The following RANBP2 variants were observed in gnomAD, a reference collection of about 807,000 sequenced individuals.
The protein encoded by RANBP2 is E3 SUMO-protein ligase RanBP2.
In RANBP2, 57 loss-of-function variants were observed where a neutral mutation model predicts 303.6. The observed-to-expected ratio is 0.19, with a 90% confidence interval of 0.15 to 0.23. RANBP2 has a LOEUF of 0.23. Ranked by LOEUF, RANBP2 falls within the 10% of genes least tolerant of loss-of-function variation. The pLI, the probability that RANBP2 is intolerant of heterozygous loss-of-function variation, is 1.00. For missense variants in RANBP2, 3,138 were observed against 3,780.8 expected (o/e 0.83, Z 4.46); for synonymous variants, 1,167 against 1,301.5 (o/e 0.90, Z 2.23).
chr2:108,977,226 C>T, the RANBP2 span, among the ~76,000 whole-genome samples: 1 of 152,122 alleles, frequency 6.6e-6, no homozygotes, highest in African/African-American at 2.4e-5. Flanking sequence ...CTGCCTTTGC[C>T]GCCGGGAGAT....
the RANBP2 span, among the ~76,000 whole-genome samples, chr2:109,699,275 C>G: frequency 6.6e-6 from 1 of 152,172 alleles, no homozygotes; most frequent in Non-Finnish European, 1.5e-5. Context: ...TTCTTTAGTA[C>G]TCTGCTCTGT....
chr2:109,535,605 C>A, the RANBP2 span, among the ~76,000 whole-genome samples: 1 of 152,192 alleles, frequency 6.6e-6, no homozygotes, highest in African/African-American at 2.4e-5. Context: ...GGGGCTGTCT[C>A]CACAGGTGTG....
At chr2:109,089,037 A>C in the RANBP2 span, among the ~76,000 whole-genome samples, 429 of 152,228 alleles carry the variant, frequency 2.8e-3, 1 homozygote, top group African/African-American at 9.5e-3. Context: ...TAGGGAGCAA[A>C]CTCGAGTTCT....
At chr2:109,715,541 G>A in the RANBP2 span, among the ~76,000 whole-genome samples, 8 of 152,140 alleles carry the variant, frequency 5.3e-5, no homozygotes, top group Non-Finnish European at 7.4e-5. Flanking sequence ...GAAAGGGCAT[G>A]GAGCTTCCCT....
At chr2:108,786,141 GT>G (rs1236056852), downstream of RANBP2, among the ~76,000 whole-genome samples, 1 of 146,184 alleles carries the variant, frequency 6.8e-6, no homozygotes, top group Non-Finnish European at 1.5e-5. Flanking sequence ...AAAAAAAAAA[GT>G]TTTTTTTCCA....
chr2:109,288,495 C>G, the RANBP2 span, among the ~76,000 whole-genome samples: 1 of 152,162 alleles, frequency 6.6e-6, no homozygotes, highest in Non-Finnish European at 1.5e-5. Flanking sequence ...ATTATTTCCT[C>G]CCAAAATAGA....
the RANBP2 span, among the ~76,000 whole-genome samples, chr2:109,170,276 T>C: frequency 1.1e-4 from 14 of 125,796 alleles, no homozygotes; most frequent in East Asian, 7.3e-4. Context: ...TCTCTTCTCT[T>C]CTCTTCTCTT....
chr2:109,684,824 G>A, the RANBP2 span, among the ~76,000 whole-genome samples: 4 of 149,698 alleles, frequency 2.7e-5, no homozygotes, highest in East Asian at 8.1e-4. Context: ...CAGAGCCACT[G>A]TGCCCAGCTG....
the RANBP2 span, among the ~76,000 whole-genome samples, chr2:108,971,329 G>A: frequency 1.3e-5 from 2 of 152,010 alleles, no homozygotes; most frequent in African/African-American, 4.8e-5. Context: ...CCAGGAGCTC[G>A]TTAGAAATGC....
the RANBP2 span, among the ~76,000 whole-genome samples, chr2:109,380,967 G>A: frequency 2.6e-5 from 4 of 152,238 alleles, no homozygotes; most frequent in Non-Finnish European, 4.4e-5. Context: ...AGCAGGAGTC[G>A]TTGCTGATTG....
At chr2:109,286,954 G>A in the RANBP2 span, among the ~76,000 whole-genome samples, 1 of 152,216 alleles carries the variant, frequency 6.6e-6, no homozygotes, top group African/African-American at 2.4e-5. Flanking sequence ...CTGCCCAGGT[G>A]GTTCCGCCAT....
chr2:109,339,196 G>A, the RANBP2 span, among the ~76,000 whole-genome samples: 2 of 151,056 alleles, frequency 1.3e-5, no homozygotes, highest in Non-Finnish European at 2.9e-5. Flanking sequence ...AGGCACACTC[G>A]GTATAACTTT....
At chr2:109,564,064 A>T in the RANBP2 span, among the ~76,000 whole-genome samples, 1 of 152,260 alleles carries the variant, frequency 6.6e-6, no homozygotes, top group Non-Finnish European at 1.5e-5. Context: ...GAAATCAAAT[A>T]ATGAGGGTAT....
intron 4 of RANBP2, among the ~76,000 whole-genome samples, chr2:108,733,044 G>A (rs1277642232): frequency 6.6e-6 from 1 of 152,020 alleles, no homozygotes; most frequent in Non-Finnish European, 1.5e-5. Flanking sequence ...GGCTGGTCTC[G>A]AACTCCTGAC....
At chr2:108,742,494 C>T (rs1480726683) in intron 7 of RANBP2, among the ~76,000 whole-genome samples, 11 of 151,616 alleles carry the variant, frequency 7.3e-5, no homozygotes, top group East Asian at 2.0e-4. Context: ...TTAATAGAGA[C>T]GGGGTTTCAC....
chr2:109,232,478 C>T, the RANBP2 span, among the ~76,000 whole-genome samples: 3 of 152,164 alleles, frequency 2.0e-5, no homozygotes, highest in Non-Finnish European at 2.9e-5. Flanking sequence ...ACACCTGTCC[C>T]GTAGGGTGCT....
At chr2:109,174,330 T>C in the RANBP2 span, among the ~76,000 whole-genome samples, 1 of 152,384 alleles carries the variant, frequency 6.6e-6, no homozygotes, top group Admixed American at 6.5e-5. Context: ...GTGGGGATGC[T>C]TCCTGTGTAC....
chr2:109,682,864 G>C, the RANBP2 span, among the ~76,000 whole-genome samples: 3 of 152,124 alleles, frequency 2.0e-5, no homozygotes, highest in African/African-American at 7.2e-5. Flanking sequence ...TTGTCACAAA[G>C]CACTGTCCGC....
At chr2:108,887,484 A>C in the RANBP2 span, among the ~76,000 whole-genome samples, 1 of 152,126 alleles carries the variant, frequency 6.6e-6, no homozygotes, top group Non-Finnish European at 1.5e-5. Flanking sequence ...TTTTAATGAT[A>C]CTAATTTCTC....
Sources: allele counts gnomAD v4.1 joint callset (sites outside exome capture counted in the v4.1 genomes callset), GRCh38; gene constraint gnomAD v4.1.1; transcripts MANE v1.5; gene names NCBI Gene and HGNC (gene_info 2026-07-23, HGNC 2026-07-21).